DYNC1I1: variants seen among roughly 807,000 people sequenced by gnomAD.
DYNC1I1 encodes dynein cytoplasmic 1 intermediate chain 1, also known as cytoplasmic dynein 1 intermediate chain 1.
DYNC1I1 carries 43 observed loss-of-function variants against 86.6 expected under a neutral mutation model. The ratio of observed to expected loss-of-function variants is 0.50; its 90% CI spans 0.39 to 0.64. The LOEUF is 0.64. Ranked by LOEUF, DYNC1I1 falls within the 30% of genes least tolerant of loss-of-function variation. The probability of loss-of-function intolerance (pLI) is 0.00; values close to 1 mark genes in which losing one functional copy is unlikely to be tolerated. For missense variants in DYNC1I1, 604 were observed against 788.8 expected (o/e 0.77, Z 2.81); for synonymous variants, 262 against 283.7 (o/e 0.92, Z 0.77).
At chr7:95,774,784 C>T (rs1430185473) in intron 1 of DYNC1I1, among the ~76,000 whole-genome samples, 1 of 152,148 alleles carries the variant, frequency 6.6e-6, no homozygotes, top group Non-Finnish European at 1.5e-5. Flanking sequence ...ATAAAAACAG[C>T]GATGTAGACC....
chr7:95,775,188 G>A (rs77393301), intron 1 of DYNC1I1, among the ~76,000 whole-genome samples: 4,695 of 152,324 alleles, frequency 0.031, 104 homozygotes, highest in South Asian at 0.068. Context: ...CAGCTACTAA[G>A]TTGAGCAAGG....
intron 10 of DYNC1I1, among the ~76,000 whole-genome samples, chr7:96,009,638 G>A (rs568580559): frequency 6.6e-6 from 1 of 152,222 alleles, no homozygotes; most frequent in Admixed American, 6.5e-5. Flanking sequence ...TTTGCAAATA[G>A]AGCTCTGCAG....
At chr7:96,013,864 T>C (rs1794339198) in intron 10 of DYNC1I1, among the ~76,000 whole-genome samples, 1 of 152,102 alleles carries the variant, frequency 6.6e-6, no homozygotes, top group Non-Finnish European at 1.5e-5. Flanking sequence ...GGCTTCCAAC[T>C]CCAAAGGATC....
At chr7:95,825,516 A>C (rs1795185893) in intron 4 of DYNC1I1, among the ~76,000 whole-genome samples, 1 of 152,230 alleles carries the variant, frequency 6.6e-6, no homozygotes, top group Admixed American at 6.5e-5. Flanking sequence ...AATTACGTTA[A>C]CATATTCCAT....
intron 6 of DYNC1I1, among the ~76,000 whole-genome samples, chr7:95,885,555 T>A (rs1056746636): frequency 6.6e-5 from 10 of 152,198 alleles, no homozygotes; most frequent in African/African-American, 2.4e-4. Context: ...CATAGCTCAC[T>A]GCAGGCTCAA....
intron 10 of DYNC1I1, among the ~76,000 whole-genome samples, chr7:96,012,879 C>A (rs1794308549): frequency 6.6e-6 from 1 of 151,944 alleles, no homozygotes. Context: ...AATTAAGGAT[C>A]TTTTTTTATT....
chr7:95,942,194 C>G (rs1444164933), intron 6 of DYNC1I1, among the ~76,000 whole-genome samples: 1 of 152,064 alleles, frequency 6.6e-6, no homozygotes, highest in Admixed American at 6.6e-5. Flanking sequence ...GGGAATATCA[C>G]CACCGATCCC....
chr7:95,988,225 A>G (rs1463951729), intron 9 of DYNC1I1, among the ~76,000 whole-genome samples: 1 of 152,070 alleles, frequency 6.6e-6, no homozygotes, highest in East Asian at 1.9e-4. Context: ...AAAAATGCAA[A>G]AAGTAGCCGA....
At chr7:95,977,931 A>G (rs1793349981) in intron 7 of DYNC1I1, among the ~76,000 whole-genome samples, 1 of 152,216 alleles carries the variant, frequency 6.6e-6, no homozygotes, top group Non-Finnish European at 1.5e-5. Flanking sequence ...CAGTAAAGCA[A>G]AGGACTAGAT....
chr7:96,065,697 T>C (rs1248993892), intron 14 of DYNC1I1, among the ~76,000 whole-genome samples: 4 of 152,146 alleles, frequency 2.6e-5, no homozygotes, highest in African/African-American at 4.8e-5. Flanking sequence ...ATCCCGGCTC[T>C]TTCCTCTCCC....
At chr7:96,032,280 C>G (rs944037751) in intron 11 of DYNC1I1, among the ~76,000 whole-genome samples, 2 of 152,114 alleles carry the variant, frequency 1.3e-5, no homozygotes, top group East Asian at 1.9e-4. Context: ...TAGTTCTACC[C>G]TTTTGAAGAC....
Position 95,785,775 on chromosome 7 carries a change from G to GTATATA in DYNC1I1, c.-10+13040_-10+13045dup, listed in dbSNP as rs200152096. Reference sequence around the variant, plus strand: ...TGTATGTATATATATGTGTGTATGTGTATATATATATATATATATATATAT... The same window carrying GTATATA: ...TGTATGTATATATATGTGTGTATGTGTATATATATATATATATATATATATATATAT... On this transcript the variant is annotated intron_variant, in intron 1 of 16. Coordinates refer to ENST00000447467, the MANE Select transcript of DYNC1I1 (RefSeq NM_001135556.2). Among the ~76,000 whole-genome samples the GTATATA allele has an allele frequency of 3.3e-3, 409 of 124,558 alleles. 1 individual carries two copies. The highest frequency in any genetic ancestry group is 5.0e-3 in the Non-Finnish European group (286 of 57,480). 81.7% of individuals were successfully genotyped at this position (124,558 alleles called of 152,430 possible). A position where few individuals can be genotyped will look rare whatever the true frequency, so the allele number is the denominator to read the frequency against.
At chr7:95,897,114 A>C (rs994054005) in intron 6 of DYNC1I1, among the ~76,000 whole-genome samples, 19 of 152,170 alleles carry the variant, frequency 1.2e-4, no homozygotes, top group African/African-American at 4.1e-4. Context: ...GGAAGCCTTT[A>C]ATTGGGTGAG....
At chr7:95,906,159 A>G (rs1264245930) in intron 6 of DYNC1I1, among the ~76,000 whole-genome samples, 1 of 152,084 alleles carries the variant, frequency 6.6e-6, no homozygotes, top group Non-Finnish European at 1.5e-5. Context: ...TGAAGTTTCT[A>G]TTATTTCTGG....
intron 1 of DYNC1I1, among the ~76,000 whole-genome samples, chr7:95,799,236 G>A (rs1251052704): frequency 1.3e-5 from 2 of 152,152 alleles, no homozygotes; most frequent in Admixed American, 6.6e-5. Context: ...AAAATTAGCC[G>A]GGCCCAGTAG....
intron 10 of DYNC1I1, 69 bp downstream of exon 10, chr7:95,996,142 A>G (rs1793862563): frequency 6.2e-7 from 1 of 1,603,056 alleles, no homozygotes; most frequent in Non-Finnish European, 8.5e-7. Context: ...GCTGCATTGC[A>G]TCTGTCTTAT....
intron 6 of DYNC1I1, among the ~76,000 whole-genome samples, chr7:95,907,591 C>T (rs1791208982): frequency 1.3e-5 from 2 of 152,108 alleles, no homozygotes; most frequent in African/African-American, 4.8e-5. Context: ...CTAGCCCCAA[C>T]CCCACCCATT....
intron 2 of DYNC1I1, among the ~76,000 whole-genome samples, chr7:95,809,681 A>G (rs1466295294): frequency 6.6e-6 from 1 of 152,202 alleles, no homozygotes; most frequent in Non-Finnish European, 1.5e-5. Flanking sequence ...AGAGGCCAGT[A>G]TGAAAAACAT....
chr7:96,103,892 G>A (rs984429127), intron 16 of DYNC1I1, among the ~76,000 whole-genome samples: 8 of 152,200 alleles, frequency 5.3e-5, no homozygotes, highest in Non-Finnish European at 1.0e-4. Context: ...GATTACAGGC[G>A]TGAGCCACCG....
Sources: allele counts gnomAD v4.1 joint callset (sites outside exome capture counted in the v4.1 genomes callset), GRCh38; gene constraint gnomAD v4.1.1; transcripts MANE v1.5; gene names NCBI Gene and HGNC (gene_info 2026-07-23, HGNC 2026-07-21).